PCDHA8: variants seen among roughly 807,000 people sequenced by gnomAD.
PCDHA8 encodes the protein protocadherin alpha-8.
A neutral mutation model predicts 61.8 loss-of-function variants in PCDHA8; 53 were observed. That is an observed-to-expected ratio of 0.86 (90% CI 0.69 to 1.08). The LOEUF is 1.08. PCDHA8 is among the 50% of genes least tolerant of loss of function. The pLI, the probability that PCDHA8 is intolerant of heterozygous loss-of-function variation, is 0.00. For synonymous variants in PCDHA8, 618 were observed against 556.6 expected (o/e 1.11, Z -1.55); for missense variants, 1,293 against 1,245.0 (o/e 1.04, Z -0.58).
chr5:140,900,630 G>A (rs1355486036), intron 1 of PCDHA8, among the ~76,000 whole-genome samples: 3 of 152,132 alleles, frequency 2.0e-5, no homozygotes, highest in African/African-American at 7.2e-5. Context: ...TCCAAATCTT[G>A]GCTATTGTGA....
At chr5:140,885,328 A>G (rs2060562963) in intron 1 of PCDHA8, among the ~76,000 whole-genome samples, 1 of 152,114 alleles carries the variant, frequency 6.6e-6, no homozygotes, top group Non-Finnish European at 1.5e-5. Context: ...TTCTTTTCCA[A>G]AGTTTGAAGG....
intron 2 of PCDHA8, 155 bp downstream of exon 2, chr5:140,979,162 T>C: frequency 2.1e-6 from 2 of 975,444 alleles, no homozygotes; most frequent in Non-Finnish European, 2.4e-6. Context: ...TGTTTATTCC[T>C]TGAAAGATCG....
At chr5:140,969,385 C>A in intron 1 of PCDHA8, 1 of 1,598,120 alleles carries the variant, frequency 6.3e-7, no homozygotes, top group East Asian at 2.2e-5. Context: ...TTACACATCC[C>A]CCAATATCCT....
At position 140,842,046 on chromosome 5, in the gene PCDHA8, T is replaced by C. The variant is rs1554138752; in HGVS notation, c.725T>C (p.Phe242Ser). 6.2e-7 allele frequency: 1 copy of C among 1,613,856 alleles called. No individual in the cohort carries two copies. Among genetic ancestry groups the C allele is most frequent in the African/African-American group, 1.3e-5 (1 of 74,962 alleles). The change falls in exon 1 of 4, where the codon TTC (phenylalanine) becomes TCC (serine). Residue 242 changes from phenylalanine (F) to serine (S), a missense_variant. Physicochemically the swap from Phe to Ser is radical, Grantham distance 155. Transcript: ENST00000531613. ...GATGTGAATGATAATGCTCCCACTT[T>C]CGAACAGTCTGAATACGAAGTAAGA... Reference protein sequence around the residue: ...VLDVNDNAPTFEQSEYEVRIF... With the variant: ...VLDVNDNAPTSEQSEYEVRIF...
intron 1 of PCDHA8, among the ~76,000 whole-genome samples, chr5:140,942,504 G>C (rs2093309107): frequency 6.6e-6 from 1 of 151,936 alleles, no homozygotes; most frequent in Admixed American, 6.6e-5. Flanking sequence ...ATGGTATCTA[G>C]GAAACTCAGA....
intron 1 of PCDHA8, chr5:140,863,681 T>C (rs2048119190): frequency 6.8e-6 from 2 of 294,950 alleles, no homozygotes; most frequent in Non-Finnish European, 1.3e-5. Flanking sequence ...TTTTGCTTTT[T>C]CTTTTGAGAT....
At chr5:140,987,296 A>G (rs782162576) in intron 3 of PCDHA8, among the ~76,000 whole-genome samples, 1 of 152,126 alleles carries the variant, frequency 6.6e-6, no homozygotes, top group African/African-American at 2.4e-5. Context: ...CAAGCCTTCT[A>G]TGTGATACCA....
At chr5:140,927,540 C>T (rs1376391756) in intron 1 of PCDHA8, 6 of 1,614,136 alleles carry the variant, frequency 3.7e-6, no homozygotes, top group African/African-American at 2.7e-5. Flanking sequence ...GCTCAGGAGA[C>T]GCACAAGTCA....
At position 141,010,158 on chromosome 5, in the gene PCDHA8, GT is replaced by G. The variant is rs1563735803; in HGVS notation, c.*225del. 1.3e-6 allele frequency: 2 copies of G among 1,570,690 alleles called. No homozygotes were observed. The highest frequency in any genetic ancestry group is 1.7e-6 in the Non-Finnish European group (2 of 1,156,884). ...TAACTCTTTCTCTCCACTCTGGCTT[GT>G]TTTCAGAACCTAAAAAGCAGACCCA... On this transcript the variant is annotated 3_prime_UTR_variant, in exon 4 of 4. Coordinates refer to ENST00000531613, the MANE Select transcript of PCDHA8 (RefSeq NM_018911.3).
chr5:140,914,052 G>T (rs1485469381), intron 1 of PCDHA8, among the ~76,000 whole-genome samples: 1 of 152,172 alleles, frequency 6.6e-6, no homozygotes, highest in East Asian at 1.9e-4. Flanking sequence ...TTCTGCAGCT[G>T]TTGGATGAAA....
chr5:140,929,430 A>G, intron 1 of PCDHA8: 1 of 1,490,684 alleles, frequency 6.7e-7, no homozygotes, highest in Non-Finnish European at 9.0e-7. Flanking sequence ...CATCAATTGA[A>G]CTAAACACTC....
At chr5:140,876,169 C>G in intron 1 of PCDHA8, 1 of 1,613,916 alleles carries the variant, frequency 6.2e-7, no homozygotes, top group African/African-American at 1.3e-5. Context: ...AATAACCGTC[C>G]TGGATGTGAA....
intron 1 of PCDHA8, among the ~76,000 whole-genome samples, chr5:140,846,496 T>C (rs1780511719): frequency 6.9e-6 from 1 of 143,918 alleles, no homozygotes; most frequent in Non-Finnish European, 1.5e-5. Flanking sequence ...TTCCTCAGCC[T>C]CCCAAGTAGC....
chr5:140,852,151 C>T, intron 1 of PCDHA8: 1 of 861,106 alleles, frequency 1.2e-6, no homozygotes, highest in Non-Finnish European at 1.4e-6. Context: ...ATCAGAATGG[C>T]CTTGAGAATA....
At chr5:140,988,828 A>C (rs1554250455) in intron 3 of PCDHA8, 1 of 152,170 alleles carries the variant, frequency 6.6e-6, no homozygotes, top group Non-Finnish European at 1.5e-5. Flanking sequence ...CCAAACAGAG[A>C]TCACGTGTCT....
intron 1 of PCDHA8, among the ~76,000 whole-genome samples, chr5:140,934,942 A>G (rs146210062): frequency 2.5e-3 from 376 of 152,312 alleles, no homozygotes; most frequent in African/African-American, 8.6e-3. Flanking sequence ...AAACTAGTAT[A>G]GAGAGATCCC....
chr5:140,899,056 G>C (rs1370417194), intron 1 of PCDHA8, among the ~76,000 whole-genome samples: 14 of 152,060 alleles, frequency 9.2e-5, no homozygotes, highest in Non-Finnish European at 2.9e-5. Flanking sequence ...CTGAGACTTT[G>C]CTGAAGTTGC....
At chr5:140,925,671 A>AATAATG (rs1554202870) in intron 1 of PCDHA8, among the ~76,000 whole-genome samples, 40 of 148,180 alleles carry the variant, frequency 2.7e-4, no homozygotes, top group African/African-American at 9.5e-4. Flanking sequence ...TAATAATAAT[A>AATAATG]ATAATAAAGC....
rs2150415705 is a variant in PCDHA8 at position 140,848,636 on chromosome 5, C to G, written c.2394+4921C>G. 17 of 1,593,284 alleles carry G rather than the reference C, an allele frequency of 1.1e-5. 2 individuals carry two copies. The highest frequency in any genetic ancestry group is 6.7e-5 in the African/African-American group (5 of 74,384). On this transcript the variant is annotated intron_variant, in intron 1 of 3. Transcript: ENST00000531613. Reference sequence around the variant, plus strand: ...CCGAACACGGCACCTTCGTGGGCCGCATCGCGCAGGACCTGGGGCTGGAGC... The same window carrying G: ...CCGAACACGGCACCTTCGTGGGCCGGATCGCGCAGGACCTGGGGCTGGAGC...
Sources: allele counts gnomAD v4.1 joint callset (sites outside exome capture counted in the v4.1 genomes callset), GRCh38; gene constraint gnomAD v4.1.1; transcripts MANE v1.5; gene names NCBI Gene and HGNC (gene_info 2026-07-23, HGNC 2026-07-21).